Variants in PRKD3 observed in about 807,000 individuals in gnomAD.
The protein encoded by PRKD3 is serine/threonine-protein kinase D3.
In PRKD3, 47 loss-of-function variants were observed where a neutral mutation model predicts 99.2. That is an observed-to-expected ratio of 0.47 (90% CI 0.38 to 0.60). The LOEUF (loss-of-function observed/expected upper bound fraction) is 0.60. Among genes scored for constraint, PRKD3 ranks in the 20% least tolerant of loss-of-function variants. The pLI is 0.00. For missense variants in PRKD3, 1,019 were observed against 1,088.4 expected, an observed-to-expected ratio of 0.94 and a Z score of 0.90; for synonymous variants, 392 against 355.4, an observed-to-expected ratio of 1.10 and a Z score of -1.16.
At chr2:37,257,195 A>C (rs1446377256) in intron 16 of PRKD3, among the ~76,000 whole-genome samples, 1 of 152,056 alleles carries the variant, frequency 6.6e-6, no homozygotes, top group East Asian at 1.9e-4. Flanking sequence ...CAAATACCAG[A>C]CTGGTGTTAT....
chr2:37,286,352 T>C lies in PRKD3; in HGVS notation c.735A>G (p.Glu245=), dbSNP rs1670094300. 1 of 1,613,790 alleles carries C rather than the reference T, an allele frequency of 6.2e-7. No homozygotes were observed. Among genetic ancestry groups the C allele is most frequent in the African/African-American group, 1.3e-5 (1 of 74,918 alleles). The change falls in exon 6 of 19, where the codon GAA becomes GAG. Residue 245 remains glutamate (E), a synonymous_variant. Coordinates refer to ENST00000234179, the MANE Select transcript of PRKD3 (RefSeq NM_005813.6). ...LPSEESHVHQ[E]PSKRIPSWSG... Reference sequence around the variant, plus strand: ...TCCAAGAAGGAATTCTCTTACTTGGTTCCTGGTGGACATGTGACTATAACA... The same window carrying C: ...TCCAAGAAGGAATTCTCTTACTTGGCTCCTGGTGGACATGTGACTATAACA...
intron 1 of PRKD3, among the ~76,000 whole-genome samples, chr2:37,319,288 T>C (rs1671779686): frequency 6.6e-6 from 1 of 152,190 alleles, no homozygotes; most frequent in Non-Finnish European, 1.5e-5. Context: ...GGTTGGATGT[T>C]AGTGTAGTTA....
At chr2:37,260,190 C>A (rs116725486) in intron 15 of PRKD3, 33 bp downstream of exon 15, 5 of 1,547,886 alleles carry the variant, frequency 3.2e-6, no homozygotes, top group Admixed American at 2.0e-5. Context: ...AGTTTTTAAT[C>A]GCTAGTTTAA....
At chr2:37,263,531 G>A (rs1279895877) in intron 14 of PRKD3, among the ~76,000 whole-genome samples, 2 of 150,658 alleles carry the variant, frequency 1.3e-5, no homozygotes, top group African/African-American at 5.0e-5. Context: ...GTTTCTCCTT[G>A]TTTTTAGTTT....
At chr2:37,261,740 A>G (rs1055752205) in intron 14 of PRKD3, among the ~76,000 whole-genome samples, 5 of 152,210 alleles carry the variant, frequency 3.3e-5, no homozygotes, top group Admixed American at 1.3e-4. Context: ...AGATTGCGCC[A>G]TTGCACTCTA....
At chr2:37,305,066 T>C (rs989884536) in intron 2 of PRKD3, among the ~76,000 whole-genome samples, 16 of 152,076 alleles carry the variant, frequency 1.1e-4, no homozygotes, top group Non-Finnish European at 1.8e-4. Flanking sequence ...AGGATGTCAC[T>C]AAGCTGCTGC....
chr2:37,283,894 C>CT (rs1441541604), intron 6 of PRKD3, among the ~76,000 whole-genome samples: 2 of 122,112 alleles, frequency 1.6e-5, no homozygotes, highest in Non-Finnish European at 3.2e-5. Context: ...GAGCAAGACT[C>CT]TGTCTCAAAA....
intron 17 of PRKD3, among the ~76,000 whole-genome samples, chr2:37,255,708 C>T (rs746662736): frequency 4.6e-5 from 7 of 152,070 alleles, no homozygotes; most frequent in Non-Finnish European, 8.8e-5. Flanking sequence ...AGAATGAATA[C>T]TTAAGAAAAA....
At chr2:37,281,357 G>A (rs1669850124) in intron 7 of PRKD3, among the ~76,000 whole-genome samples, 1 of 152,182 alleles carries the variant, frequency 6.6e-6, no homozygotes, top group South Asian at 2.1e-4. Flanking sequence ...AACCGAAAGA[G>A]AAAACCAATC....
intron 4 of PRKD3, 116 bp downstream of exon 4, chr2:37,290,752 C>T: frequency 8.4e-7 from 1 of 1,197,566 alleles, no homozygotes; most frequent in Non-Finnish European, 1.2e-6. Context: ...CTCTCCAATT[C>T]TAAATCCTCG....
At chr2:37,305,533 TGGA>T (rs1671122995) in intron 2 of PRKD3, among the ~76,000 whole-genome samples, 1 of 152,188 alleles carries the variant, frequency 6.6e-6, no homozygotes, top group African/African-American at 2.4e-5. Context: ...AGCAAAAAGG[TGGA>T]GAAGTGCTAT....
In PRKD3 at chr2:37,277,987, G is replaced by A; in HGVS notation, c.1175C>T (p.Pro392Leu). ...RDEEAVKTIS[P>L]STSNNIPLMR... ...TAGCGGAATATTATTGCTTGTTGATGGACTAAAAAATATTTAAAATTTGTA... is the reference window on the plus strand; with the variant it reads ...TAGCGGAATATTATTGCTTGTTGATAGACTAAAAAATATTTAAAATTTGTA... The change falls in exon 9 of 19, where the codon CCA becomes CTA. Residue 392 changes from proline (P) to leucine (L), a missense_variant and splice_region_variant. Coordinates refer to ENST00000234179, the MANE Select transcript of PRKD3 (RefSeq NM_005813.6). 6.3e-6 allele frequency: 10 copies of A among 1,591,830 alleles called. No individual in the cohort carries two copies. The highest frequency in any genetic ancestry group is 7.7e-6 in the Non-Finnish European group (9 of 1,167,614).
chr2:37,284,658 G>A (rs1157430528), intron 6 of PRKD3, among the ~76,000 whole-genome samples: 1 of 152,134 alleles, frequency 6.6e-6, no homozygotes, highest in Non-Finnish European at 1.5e-5. Flanking sequence ...AAAGCAAGCT[G>A]TTGAAATAAA....
In PRKD3 at chr2:37,256,949, G is replaced by T; in HGVS notation, c.2146-20C>A. ...CTTCACCTGGAAATTGAAGGATGAT[G>T]TTAATTTTGTATTATAGTGTTATAT... On this transcript the variant is annotated intron_variant, in intron 16 of 18. Coordinates refer to ENST00000234179, the MANE Select transcript of PRKD3 (RefSeq NM_005813.6). 1 of 1,613,248 alleles carries T rather than the reference G, an allele frequency of 6.2e-7. No individual in the cohort carries two copies. The highest frequency in any genetic ancestry group is 8.5e-7 in the Non-Finnish European group (1 of 1,179,490).
chr2:37,264,383 G>C (rs926616111), intron 14 of PRKD3, among the ~76,000 whole-genome samples: 2 of 152,086 alleles, frequency 1.3e-5, no homozygotes, highest in African/African-American at 4.8e-5. Context: ...AACAAAACTT[G>C]ACAAAGATGC....
intron 2 of PRKD3, among the ~76,000 whole-genome samples, chr2:37,301,975 GC>G (rs1371932855): frequency 6.6e-6 from 1 of 152,166 alleles, no homozygotes; most frequent in Non-Finnish European, 1.5e-5. Context: ...ACAGAGGGCA[GC>G]CCCCACAAGA....
Position 37,252,801 on chromosome 2 carries a change from C to T in PRKD3, c.*376G>A, listed in dbSNP as rs551440814. 7 of 148,988 alleles carry T rather than the reference C, an allele frequency of 4.7e-5. No individual in the cohort carries two copies. The highest frequency in any genetic ancestry group is 1.7e-4 in the African/African-American group (7 of 40,690). 9.2% of individuals were successfully genotyped at this position (148,988 alleles called of 1,614,324 possible). On this transcript the variant is annotated 3_prime_UTR_variant, in exon 19 of 19. Coordinates refer to ENST00000234179, the MANE Select transcript of PRKD3 (RefSeq NM_005813.6). ...AAGCTATATAGTAACTGGATGCTAG[C>T]TTGACTTGTTTTTCATTAAAAAAAC...
chr2:37,304,217 G>T (rs985915557), intron 2 of PRKD3, among the ~76,000 whole-genome samples: 15 of 99,052 alleles, frequency 1.5e-4, no homozygotes, highest in South Asian at 3.1e-4. Flanking sequence ...AAAAAAAAAA[G>T]AAGTGTTGAC....
rs3770761 is a variant in PRKD3 at position 37,279,796 on chromosome 2, A to G, written c.1122T>C (p.Asp374=). ...CTCTTTCCACATCGAGATCAGATGG[A>G]TCCAAGAAGAACATCTTATCTTCTG... is the stretch of plus-strand genomic sequence containing the variant. ...SPPEDKMFFL[D]PSDLDVERDE... Residue 374 remains aspartate (D), a synonymous_variant, in exon 8 of 19, where the codon GAT becomes GAC. Transcript: ENST00000234179. The G allele has an allele frequency of 0.084, 135,830 of 1,613,466 alleles. 9,843 individuals are homozygous for G. The highest frequency in any genetic ancestry group is 0.34 in the East Asian group (15,095 of 44,790).
Sources: gnomAD v4.1 joint callset for allele counts (sites outside exome capture counted in the v4.1 genomes callset) on GRCh38, gnomAD v4.1.1 for gene constraint, MANE v1.5 for transcripts, NCBI Gene and HGNC (gene_info 2026-07-23, HGNC 2026-07-21) for gene names.